HERC6: variants seen among roughly 807,000 people sequenced by gnomAD.
HERC6 encodes the protein probable E3 ubiquitin-protein ligase HERC6.
A neutral mutation model predicts 114.5 loss-of-function variants in HERC6; 101 were observed. The observed-to-expected ratio is 0.88, with a 90% CI of 0.75 to 1.04. HERC6 has a LOEUF of 1.04. HERC6 is among the 50% of genes least tolerant of loss of function. The pLI, the probability that HERC6 is intolerant of heterozygous loss-of-function variation, is 0.00. For synonymous variants in HERC6, 408 were observed against 436.2 expected, an observed-to-expected ratio of 0.94 and a Z score of 0.81; for missense variants, 1,133 against 1,230.9, an observed-to-expected ratio of 0.92 and a Z score of 1.19.
chr4:88,380,194 AATATAAATAT>A (rs1734165134), intron 1 of HERC6, among the ~76,000 whole-genome samples: 2 of 3,082 alleles, frequency 6.5e-4, no homozygotes, highest in African/African-American at 5.0e-3. Flanking sequence ...ATATATATAT[AATATAAATAT>A]ATATATAATA....
chr4:88,443,065 T>G lies in HERC6; in HGVS notation c.*605T>G, dbSNP rs1739488660. The G allele has an allele frequency of 6.5e-6, 1 of 154,742 alleles. No homozygotes were observed. 9.6% of individuals were successfully genotyped at this position (154,742 alleles called of 1,614,324 possible). A position where few individuals can be genotyped will look rare whatever the true frequency, so the allele number is the denominator to read the frequency against. On this transcript the variant is annotated 3_prime_UTR_variant, in exon 23 of 23. Coordinates refer to ENST00000264346, the MANE Select transcript of HERC6 (RefSeq NM_017912.4). ...TTTCACTTTTGCTGCTTCACTGCCT[T>G]GTGCTCCAATAAATCCACTCCTTCA...
chr4:88,408,470 G>C, intron 10 of HERC6, 54 bp from the exon 11 acceptor site: 2 of 1,121,750 alleles, frequency 1.8e-6, no homozygotes, highest in East Asian at 2.5e-5. Context: ...ACAAACTTTA[G>C]AAATATCCCT....
chr4:88,438,675 G>C (rs1404043263), intron 20 of HERC6, among the ~76,000 whole-genome samples: 1 of 152,214 alleles, frequency 6.6e-6, no homozygotes, highest in African/African-American at 2.4e-5. Context: ...TGTGAGAGCT[G>C]ATTGTTAAAT....
At chr4:88,429,647 C>T (rs943723389) in intron 16 of HERC6, among the ~76,000 whole-genome samples, 3 of 152,030 alleles carry the variant, frequency 2.0e-5, no homozygotes, top group Non-Finnish European at 2.9e-5. Context: ...TGGATTTTCT[C>T]GATGTCAGCC....
intron 20 of HERC6, among the ~76,000 whole-genome samples, chr4:88,439,431 GGAAA>G (rs1006143696): frequency 1.7e-4 from 25 of 151,438 alleles, no homozygotes; most frequent in African/African-American, 3.6e-4. Context: ...GGAAGGGAAA[GGAAA>G]GAAAGAAAGA....
chr4:88,440,035 A>G lies in HERC6; in HGVS notation c.2717A>G (p.Tyr906Cys). 1.2e-6 allele frequency: 2 copies of G among 1,610,620 alleles called. No individual in the cohort carries two copies. Among genetic ancestry groups the G allele is most frequent in the Non-Finnish European group, 8.5e-7 (1 of 1,179,040 alleles). The change falls in exon 21 of 23, where the codon TAT becomes TGT. Residue 906 changes from tyrosine to cysteine, a missense_variant. This residue lies in a region of HERC6 where 388 missense variants were observed against 445.9 expected (regional missense o/e 0.87). Coordinates refer to ENST00000264346, the MANE Select transcript of HERC6 (RefSeq NM_017912.4). The part of the protein sequence containing the change: ...LMTAIIGNTD[Y>C]DWKQFEQNSK... ...ACAGCAATCATTGGAAATACTGATT[A>G]TGACTGGAAACAGTTTGAACAGGTA...
intron 7 of HERC6, among the ~76,000 whole-genome samples, 196 bp from the exon 8 acceptor site, chr4:88,397,946 T>G (rs1052881909): frequency 1.3e-5 from 2 of 152,124 alleles, no homozygotes; most frequent in African/African-American, 4.8e-5. Context: ...ACATGTAATC[T>G]GATCAAAACT....
At position 88,396,951 on chromosome 4, in the gene HERC6, G is replaced by A; in HGVS notation, c.988G>A (p.Glu330Lys). 1.9e-6 allele frequency: 3 copies of A among 1,612,916 alleles called. No individual in the cohort carries two copies. Among genetic ancestry groups the A allele is most frequent in the Non-Finnish European group, 2.5e-6 (3 of 1,179,274 alleles). Residue 330 changes from glutamate to lysine, a missense_variant, in exon 7 of 23, where the codon GAG becomes AAG. Glu to Lys is a moderately conservative substitution (Grantham distance 56, BLOSUM62 1). Around this residue, in one of 3 missense-constraint regions of HERC6, gnomAD observed 735 missense variants for 754.0 expected, o/e 0.97. Transcript: ENST00000264346. ...SKPTHPEALT[E>K]NFDISCLISA... The stretch of plus-strand genomic sequence containing the variant: ...GCCAACTCATCCGGAGGCCCTGACA[G>A]AGAACTTTGACATTAGCTGCCTGAT...
rs968678022 is a variant in HERC6 at position 88,404,557 on chromosome 4, T to C, written c.1093-319T>C. On this transcript the variant is annotated intron_variant, in intron 8 of 22. Transcript: ENST00000264346. ...TATTTAAAAAATCTATTCATCTGTTTATGGACATGGGTTGTTTCCATCTTT... is the reference window on the plus strand; with the variant it reads ...TATTTAAAAAATCTATTCATCTGTTCATGGACATGGGTTGTTTCCATCTTT... Among the ~76,000 whole-genome samples the C allele has an allele frequency of 2.1e-4, 32 of 152,240 alleles. 1 individual carries two copies. Among genetic ancestry groups the C allele is most frequent in the Admixed American group, 1.8e-3 (28 of 15,284 alleles).
intron 17 of HERC6, 84 bp downstream of exon 17, chr4:88,431,389 A>T (rs1264496235): frequency 5.6e-6 from 8 of 1,418,364 alleles, no homozygotes; most frequent in African/African-American, 1.4e-5. Flanking sequence ...ATAGTGGTGT[A>T]AAATTAGGTC....
At chr4:88,441,604 A>G (rs17014135) in intron 22 of HERC6, among the ~76,000 whole-genome samples, 9,022 of 152,244 alleles carry the variant, frequency 0.059, 792 homozygotes, top group African/African-American at 0.2. Flanking sequence ...TTCTCTCACC[A>G]TCTCATCCCA....
At chr4:88,430,691 G>A (rs1426168133) in intron 16 of HERC6, among the ~76,000 whole-genome samples, 2 of 152,168 alleles carry the variant, frequency 1.3e-5, no homozygotes, top group African/African-American at 4.8e-5. Flanking sequence ...AAGGTCTCAT[G>A]CCCAGGCAGA....
At chr4:88,403,397 A>C (rs1735646666) in intron 8 of HERC6, among the ~76,000 whole-genome samples, 2 of 152,210 alleles carry the variant, frequency 1.3e-5, no homozygotes, top group South Asian at 2.1e-4. Context: ...GGGAACAAGA[A>C]AACTAATTAT....
At chr4:88,439,760 G>A in intron 20 of HERC6, 114 bp from the exon 21 acceptor site, 1 of 1,015,140 alleles carries the variant, frequency 9.9e-7, no homozygotes, top group East Asian at 2.8e-5. Context: ...CTATATAGAA[G>A]TAATTTACTT....
At chr4:88,394,556 A>ATTATTT (rs1553913958) in intron 5 of HERC6, among the ~76,000 whole-genome samples, 4 of 144,024 alleles carry the variant, frequency 2.8e-5, no homozygotes, top group African/African-American at 8.1e-5. Flanking sequence ...TATTATTATT[A>ATTATTT]TTTTTTGAGA....
chr4:88,416,740 C>T (rs1202684630), intron 12 of HERC6, among the ~76,000 whole-genome samples: 2 of 152,008 alleles, frequency 1.3e-5, no homozygotes, highest in Non-Finnish European at 2.9e-5. Flanking sequence ...ATATGCAATG[C>T]CGCATTTATT....
At chr4:88,440,502 G>A in intron 22 of HERC6, 1 of 402,858 alleles carries the variant, frequency 2.5e-6, no homozygotes, top group Non-Finnish European at 4.4e-6. Context: ...CTGATCTGTG[G>A]TGAAATGCAG....
At chr4:88,408,727 C>A in intron 11 of HERC6, 110 bp downstream of exon 11, 1 of 742,646 alleles carries the variant, frequency 1.3e-6, no homozygotes, top group Non-Finnish European at 2.3e-6. Flanking sequence ...TGAGTTCTTC[C>A]TGCCCACTGC....
chr4:88,383,127 A>G, intron 1 of HERC6, 94 bp from the exon 2 acceptor site: 1 of 1,475,484 alleles, frequency 6.8e-7, no homozygotes, highest in Non-Finnish European at 9.1e-7. Context: ...AATCTGGATG[A>G]TCCTTCTTTT....
Sources: gnomAD v4.1 joint callset for allele counts (sites outside exome capture counted in the v4.1 genomes callset) on GRCh38, gnomAD v4.1.1 for gene constraint, gnomAD v4.1.1 regional missense constraint, MANE v1.5 for transcripts, NCBI Gene and HGNC (gene_info 2026-07-23, HGNC 2026-07-21) for gene names.